Variants in SYT13 observed in about 807,000 individuals in gnomAD.
The protein encoded by SYT13 is synaptotagmin 13.
A neutral mutation model predicts 38.6 loss-of-function variants in SYT13; 21 were observed. That is an observed-to-expected ratio of 0.54 (90% CI 0.39 to 0.78). The LOEUF (loss-of-function observed/expected upper bound fraction) is 0.78, where lower values mean the gene tolerates loss of function less well. SYT13 is among the 30% of genes least tolerant of loss of function. The pLI is 0.00. For synonymous variants in SYT13, 241 were observed against 237.6 expected (o/e 1.01, Z -0.13); for missense variants, 495 against 548.7 (o/e 0.90, Z 0.98).
intron 1 of SYT13, among the ~76,000 whole-genome samples, chr11:45,266,529 CACACAT>C (rs1192181356): frequency 1.2e-3 from 178 of 151,716 alleles, no homozygotes; most frequent in African/African-American, 3.9e-3. Context: ...CACACACACA[CACACAT>C]ACACACATCC....
In SYT13 at chr11:45,246,397, T is replaced by A. The variant is rs761258548; in HGVS notation, c.962A>T (p.Glu321Val). 3.7e-6 allele frequency: 6 copies of A among 1,613,906 alleles called. No homozygotes were observed. The highest frequency in any genetic ancestry group is 5.1e-6 in the Non-Finnish European group (6 of 1,179,934). Residue 321 changes from glutamate (E) to valine (V), a missense_variant, in exon 5 of 6, where the codon GAG (glutamate) becomes GTG (valine). Physicochemically the swap from Glu to Val is moderately radical, Grantham distance 121 (BLOSUM62 -2). Coordinates refer to ENST00000020926, the MANE Select transcript of SYT13 (RefSeq NM_020826.3). ...AKNLHSNQSK[E>V]LLGKDVSVKV... is the part of the protein sequence containing the mutation. The stretch of plus-strand genomic sequence containing the variant: ...ATCTCACTCACCCTTCCCCAGGAGC[T>A]CCTTGGACTGGTTAGAGTGGAGGTT...
rs779692698 is a variant in SYT13, at chr11:45,252,529, G to A, written c.738C>T (p.Cys246=). ...TATLTLTLRT[C]DRFSRHSVAG... ...CCACGCTGTGACGGGAGAAGCGGTC[G>A]CAGGTCCTCAAGGTCAGCGTCAGGG... Residue 246 remains cysteine (C), a synonymous_variant, in exon 4 of 6, where the codon TGC becomes TGT. Transcript: ENST00000020926. This position sits in a 1 kb window ranked among gnomAD's most constrained non-coding sequence, Gnocchi z 4.3. 1.2e-5 allele frequency: 19 copies of A among 1,614,046 alleles called. No homozygotes were observed. The highest frequency in any genetic ancestry group is 6.7e-5 in the East Asian group (3 of 44,872).
intron 2 of SYT13, chr11:45,254,710 A>G (rs1045073063): frequency 4.0e-6 from 1 of 252,714 alleles, no homozygotes; most frequent in Admixed American, 5.5e-5. Flanking sequence ...GTCAGGGACG[A>G]TCATGTCTCT....
chr11:45,247,106 G>A (rs150811328), intron 4 of SYT13, among the ~76,000 whole-genome samples: 2 of 152,356 alleles, frequency 1.3e-5, no homozygotes, highest in Non-Finnish European at 2.9e-5. Flanking sequence ...CCTTGAAGGA[G>A]GTGCTGATGC....
intron 1 of SYT13, among the ~76,000 whole-genome samples, chr11:45,266,062 TAGAG>T (rs747589162): frequency 1.6e-4 from 24 of 152,060 alleles, no homozygotes; most frequent in South Asian, 6.2e-4. Context: ...ACAATAAAAA[TAGAG>T]AGAGAGATAG....
At chr11:45,267,589 T>G (rs1049585169) in intron 1 of SYT13, among the ~76,000 whole-genome samples, 1 of 152,104 alleles carries the variant, frequency 6.6e-6, no homozygotes, top group Non-Finnish European at 1.5e-5. Context: ...CCCTCTCTCA[T>G]GTTAAGCTGC....
intron 1 of SYT13, among the ~76,000 whole-genome samples, chr11:45,281,944 G>A (rs1182719218): frequency 1.3e-5 from 2 of 152,196 alleles, no homozygotes; most frequent in African/African-American, 2.4e-5. Context: ...GAAAAGAGCA[G>A]TTCTCCTTTC....
intron 1 of SYT13, among the ~76,000 whole-genome samples, chr11:45,283,923 A>G (rs1234349334): frequency 6.6e-6 from 1 of 152,232 alleles, no homozygotes; most frequent in Non-Finnish European, 1.5e-5. Flanking sequence ...TTGCATCCTA[A>G]TGTAAAGAGT....
intron 1 of SYT13, among the ~76,000 whole-genome samples, chr11:45,263,661 C>T (rs1854847038): frequency 6.6e-6 from 1 of 152,186 alleles, no homozygotes. Context: ...GAGGCCAGGG[C>T]AAAGGGACCT....
At chr11:45,275,285 A>T (rs1433181662) in intron 1 of SYT13, among the ~76,000 whole-genome samples, 1 of 152,184 alleles carries the variant, frequency 6.6e-6, no homozygotes, top group Non-Finnish European at 1.5e-5. Context: ...GGGGATAGGG[A>T]GAGGAATCAA....
At chr11:45,265,023 C>T (rs1300407579) in intron 1 of SYT13, among the ~76,000 whole-genome samples, 1 of 152,220 alleles carries the variant, frequency 6.6e-6, no homozygotes, top group Admixed American at 6.5e-5. Flanking sequence ...CATGAATCTG[C>T]AAGAAGACTT....
Position 45,241,272 on chromosome 11 carries a change from A to C in SYT13, c.*2780T>G, listed in dbSNP as rs1012842751. ...CCAGCCACTCTTAATTCATTAATTC[A>C]CTCAACAAATATATATGAATATATA... is the stretch of plus-strand genomic sequence containing the variant. On this transcript the variant is annotated 3_prime_UTR_variant, in exon 6 of 6. Transcript: ENST00000020926. 1 of 152,140 alleles carries C rather than the reference A, an allele frequency of 6.6e-6. No individual in the cohort carries two copies. The highest frequency in any genetic ancestry group is 1.5e-5 in the Non-Finnish European group (1 of 68,022). The allele number at this position is 152,140 out of a possible 1,614,324, so 9.4% of individuals were successfully genotyped here.
intron 1 of SYT13, among the ~76,000 whole-genome samples, chr11:45,263,140 G>A (rs1854840109): frequency 6.6e-6 from 1 of 152,214 alleles, no homozygotes; most frequent in South Asian, 2.1e-4. Flanking sequence ...AATCCAGGCA[G>A]AGACAGATGG....
intron 1 of SYT13, among the ~76,000 whole-genome samples, chr11:45,260,593 C>T (rs756054044): frequency 7.2e-5 from 11 of 152,078 alleles, no homozygotes; most frequent in Non-Finnish European, 1.5e-4. Context: ...TCTCTGTCTA[C>T]GTGTCCCTTG....
At chr11:45,285,712 C>A (rs892167898) in intron 1 of SYT13, among the ~76,000 whole-genome samples, 1 of 152,102 alleles carries the variant, frequency 6.6e-6, no homozygotes, top group African/African-American at 2.4e-5. Context: ...CCTTCCCAGC[C>A]CTAATTCTTA....
intron 1 of SYT13, chr11:45,269,554 C>T (rs1854924400): frequency 9.5e-7 from 1 of 1,048,254 alleles, no homozygotes; most frequent in South Asian, 1.4e-5. Context: ...CTTCACGCAA[C>T]TATAGATAAG....
rs79616533 is a variant in SYT13 at position 45,273,338 on chromosome 11, G to C, written c.183+12687C>G. On this transcript the variant is annotated intron_variant, in intron 1 of 5. Transcript: ENST00000020926. ...AGGCACCTAGCAGGGAGGGAGCAGG[G>C]GTGATGAAGGCCCCTCACACTCCTC... Among the ~76,000 whole-genome samples, 432 of 152,268 alleles carry C rather than the reference G, an allele frequency of 2.8e-3. 2 individuals carry two copies. Among genetic ancestry groups the C allele is most frequent in the African/African-American group, 1.0e-2 (414 of 41,542 alleles).
At position 45,284,741 on chromosome 11, in the gene SYT13, C is replaced by T. The variant is rs748188041; in HGVS notation, c.183+1284G>A. 5.1e-4 allele frequency among the ~76,000 whole-genome samples: 77 copies of T among 152,110 alleles called. 1 individual carries two copies. The highest frequency in any genetic ancestry group is 8.2e-4 in the Non-Finnish European group (56 of 68,018). ...TTGGGCAGGAAAGAAGGTTGAGAGG[C>T]GGCCGACCACGACTTGTGGAGAAGG... On this transcript the variant is annotated intron_variant, in intron 1 of 5. Coordinates refer to ENST00000020926, the MANE Select transcript of SYT13 (RefSeq NM_020826.3).
chr11:45,270,124 T>C (rs1286706470), intron 1 of SYT13, among the ~76,000 whole-genome samples: 1 of 152,196 alleles, frequency 6.6e-6, no homozygotes, highest in Non-Finnish European at 1.5e-5. Flanking sequence ...TGAGTTTGCT[T>C]TCCAAAATTT....
Sources: allele counts gnomAD v4.1 joint callset (sites outside exome capture counted in the v4.1 genomes callset), GRCh38; gene constraint gnomAD v4.1.1; non-coding constraint Gnocchi (gnomAD v3.1); transcripts MANE v1.5; gene names NCBI Gene and HGNC (gene_info 2026-07-23, HGNC 2026-07-21).